The following JAKMIP3 variants were observed in gnomAD, a reference collection of about 807,000 sequenced individuals.
JAKMIP3 encodes janus kinase and microtubule-interacting protein 3.
Under a neutral mutation model 118.5 loss-of-function variants are expected in JAKMIP3, and 58 were observed. That is an observed-to-expected ratio of 0.49 (90% CI 0.40 to 0.61). The LOEUF is 0.61. Among genes scored for constraint, JAKMIP3 ranks in the 20% least tolerant of loss-of-function variants. The pLI is 0.00. For missense variants in JAKMIP3, 950 were observed against 1,109.0 expected (o/e 0.86, Z 2.04); for synonymous variants, 486 against 451.2 (o/e 1.08, Z -0.98).
chr10:132,064,803 C>G (rs1365696077), upstream of JAKMIP3, among the ~76,000 whole-genome samples: 1 of 152,154 alleles, frequency 6.6e-6, no homozygotes, highest in Non-Finnish European at 1.5e-5. This position sits in a 1 kb window ranked among gnomAD's most constrained non-coding sequence, Gnocchi z 4.4. Flanking sequence ...AACCCGAAGT[C>G]CTGGCCTGCC....
At chr10:132,128,562 AT>A (rs1564931852) in intron 3 of JAKMIP3, among the ~76,000 whole-genome samples, 3 of 151,496 alleles carry the variant, frequency 2.0e-5, no homozygotes, top group Non-Finnish European at 4.4e-5. Context: ...TATACCTTAC[AT>A]TTTTCTTGAG....
chr10:132,060,486 G>A (rs1465218123), upstream of JAKMIP3, among the ~76,000 whole-genome samples: 2 of 152,136 alleles, frequency 1.3e-5, no homozygotes, highest in Non-Finnish European at 2.9e-5. Flanking sequence ...ACAGATGAAG[G>A]CTTTAACCTG....
chr10:132,145,277 G>A (rs891549353), intron 12 of JAKMIP3, 87 bp downstream of exon 12: 19 of 1,157,282 alleles, frequency 1.6e-5, no homozygotes, highest in East Asian at 5.1e-5. Flanking sequence ...TCAGTGGTGC[G>A]ATCATAACTT....
chr10:132,139,076 A>ATGTG (rs1292750829), intron 9 of JAKMIP3, among the ~76,000 whole-genome samples: 10 of 119,036 alleles, frequency 8.4e-5, no homozygotes, highest in African/African-American at 3.0e-4. Context: ...GTGTATGTGT[A>ATGTG]TGTGTGTGTG....
chr10:132,166,864 C>A, intron 21 of JAKMIP3, 119 bp from the exon 22 acceptor site: 1 of 742,570 alleles, frequency 1.3e-6, no homozygotes, highest in Non-Finnish European at 2.3e-6. Context: ...GCGTCCTCTC[C>A]TCCCTGCCAA....
At chr10:132,180,720 C>CGTGT (rs1161680680) in intron 23 of JAKMIP3, among the ~76,000 whole-genome samples, 18 of 17,020 alleles carry the variant, frequency 1.1e-3, no homozygotes, top group African/African-American at 4.8e-3. Flanking sequence ...CGTGTGTGTG[C>CGTGT]GTGTGTGTGC....
intron 3 of JAKMIP3, among the ~76,000 whole-genome samples, chr10:132,121,273 C>T (rs1245472301): frequency 1.3e-5 from 2 of 152,140 alleles, no homozygotes; most frequent in Admixed American, 6.5e-5. Context: ...TCCCAGGTTC[C>T]AGGACAGCCG....
chr10:132,051,603 TTTTTTTTTTC>T (rs2038108610), intron 1 of JAKMIP3, among the ~76,000 whole-genome samples: 1 of 151,894 alleles, frequency 6.6e-6, no homozygotes, highest in Admixed American at 6.6e-5. Context: ...ATTTTTACTT[TTTTTTTTTTC>T]TTTTTGAGAT....
chr10:132,141,770 G>T (rs2053557393), intron 10 of JAKMIP3, 150 bp from the exon 11 acceptor site: 1 of 854,206 alleles, frequency 1.2e-6, no homozygotes, highest in South Asian at 1.8e-5. Flanking sequence ...GCACACTGGA[G>T]CAGGTCCCCT....
At chr10:132,103,939 C>T (rs138627100) in intron 1 of JAKMIP3, among the ~76,000 whole-genome samples, 3 of 152,308 alleles carry the variant, frequency 2.0e-5, no homozygotes, top group Non-Finnish European at 2.9e-5. Context: ...CTGGGTTTGC[C>T]GACTGTAGAT....
At chr10:132,094,768 C>A (rs1408600604) in intron 1 of JAKMIP3, among the ~76,000 whole-genome samples, 1 of 152,076 alleles carries the variant, frequency 6.6e-6, no homozygotes, top group African/African-American at 2.4e-5. Context: ...TAGAGAGGAA[C>A]CCGCGGTGAG....
At chr10:132,061,475 T>C (rs1276011107), upstream of JAKMIP3, among the ~76,000 whole-genome samples, 1 of 152,268 alleles carries the variant, frequency 6.6e-6, no homozygotes, top group African/African-American at 2.4e-5. Flanking sequence ...GGTTAATCTA[T>C]AAACTCATTA....
At chr10:132,166,373 G>A (rs2058901968) in intron 21 of JAKMIP3, among the ~76,000 whole-genome samples, 1 of 152,106 alleles carries the variant, frequency 6.6e-6, no homozygotes, top group African/African-American at 2.4e-5. Context: ...TAGCTAAATA[G>A]CTCTTCATTC....
chr10:132,159,797 G>GT (rs1564982532), intron 19 of JAKMIP3, among the ~76,000 whole-genome samples: 4 of 85,576 alleles, frequency 4.7e-5, no homozygotes, highest in Non-Finnish European at 6.9e-5. Context: ...GTGATGCTGG[G>GT]GGGCCTCTCG....
upstream of JAKMIP3, among the ~76,000 whole-genome samples, chr10:132,064,473 G>T (rs990802224): frequency 6.6e-6 from 1 of 152,020 alleles, no homozygotes; most frequent in African/African-American, 2.4e-5. The surrounding 1 kb of genome is among the most constrained non-coding windows in gnomAD (Gnocchi z 4.4). Flanking sequence ...TTTGCTTCAG[G>T]GCAACACGGG....
chr10:132,042,216 T>TTCCTTCCTTCCTTTCTTCCTTCC (rs1257478085), intron 1 of JAKMIP3, among the ~76,000 whole-genome samples: 2 of 151,072 alleles, frequency 1.3e-5, no homozygotes, highest in African/African-American at 4.9e-5. Context: ...CCTTCCTTCC[T>TTCCTTCCTTCCTTTCTTCCTTCC]TCTTTCCTCC....
intron 19 of JAKMIP3, 146 bp from the exon 20 acceptor site, chr10:132,163,063 C>T: frequency 1.3e-6 from 1 of 754,290 alleles, no homozygotes; most frequent in Non-Finnish European, 2.1e-6. Flanking sequence ...GGTCCTTCTG[C>T]AGAGGCCACA....
intron 23 of JAKMIP3, among the ~76,000 whole-genome samples, chr10:132,170,407 C>T (rs1052082825): frequency 6.6e-6 from 1 of 152,158 alleles, no homozygotes; most frequent in East Asian, 1.9e-4. Flanking sequence ...CCACCCCCTG[C>T]GGGCCAGGCC....
At chr10:132,067,778 CGTGTGG>C (rs1254496476) in intron 1 of JAKMIP3, among the ~76,000 whole-genome samples, 56 of 135,690 alleles carry the variant, frequency 4.1e-4, no homozygotes, top group East Asian at 1.2e-3. Context: ...TCTGGGCTTC[CGTGTGG>C]ACTGTGGGCT....
Sources: allele counts gnomAD v4.1 joint callset (sites outside exome capture counted in the v4.1 genomes callset), GRCh38; gene constraint gnomAD v4.1.1; non-coding constraint Gnocchi (gnomAD v3.1); transcripts MANE v1.5; gene names NCBI Gene and HGNC (gene_info 2026-07-23, HGNC 2026-07-21).